The following HS6ST3 variants were observed in gnomAD, a reference collection of about 807,000 sequenced individuals.
The protein encoded by HS6ST3 is heparan-sulfate 6-O-sulfotransferase 3.
HS6ST3 carries 12 observed loss-of-function variants against 36.7 expected under a neutral mutation model. The ratio of observed to expected loss-of-function variants is 0.33; its 90% confidence interval spans 0.21 to 0.53. HS6ST3 has a LOEUF of 0.53. Ranked by LOEUF, HS6ST3 falls within the 20% of genes least tolerant of loss-of-function variation. The pLI is 0.95. For missense variants in HS6ST3, 584 were observed against 640.9 expected (o/e 0.91, Z 0.96); for synonymous variants, 240 against 257.5 (o/e 0.93, Z 0.65).
chr13:96,301,130 C>A (rs1317618362), intron 1 of HS6ST3, among the ~76,000 whole-genome samples: 2 of 152,154 alleles, frequency 1.3e-5, no homozygotes, highest in Non-Finnish European at 2.9e-5. Flanking sequence ...TGTGAACAAC[C>A]CACATTGCAT....
chr13:96,168,030 A>T (rs1300904966), intron 1 of HS6ST3, among the ~76,000 whole-genome samples: 1 of 152,186 alleles, frequency 6.6e-6, no homozygotes, highest in Non-Finnish European at 1.5e-5. Flanking sequence ...AATTGAACAA[A>T]TCGAAAGTTT....
intron 1 of HS6ST3, among the ~76,000 whole-genome samples, chr13:96,207,487 C>T (rs1022458485): frequency 1.4e-4 from 21 of 151,812 alleles, no homozygotes; most frequent in African/African-American, 5.1e-4. Flanking sequence ...GATATATACC[C>T]AAAGGAATAG....
chr13:96,213,235 AG>A (rs2054407402), intron 1 of HS6ST3, among the ~76,000 whole-genome samples: 1 of 152,172 alleles, frequency 6.6e-6, no homozygotes, highest in Admixed American at 6.5e-5. Flanking sequence ...GTTTTCATAG[AG>A]TTTCTATCAT....
chr13:96,274,046 G>C (rs1434955356), intron 1 of HS6ST3, among the ~76,000 whole-genome samples: 1 of 144,300 alleles, frequency 6.9e-6, no homozygotes, highest in African/African-American at 2.6e-5. Context: ...TTCTTTATTT[G>C]ATTCTTTCTT....
chr13:96,721,892 C>T (rs56124781), intron 1 of HS6ST3, among the ~76,000 whole-genome samples: 1,539 of 152,100 alleles, frequency 0.01, 30 homozygotes, highest in African/African-American at 0.035. Flanking sequence ...CAGGTTTTGA[C>T]AATCAATGAT....
At chr13:96,443,625 CA>C (rs2055684684) in intron 1 of HS6ST3, among the ~76,000 whole-genome samples, 1 of 151,374 alleles carries the variant, frequency 6.6e-6, no homozygotes, top group Non-Finnish European at 1.5e-5. Flanking sequence ...TTTAAAATGG[CA>C]TTATTATCTA....
intron 1 of HS6ST3, among the ~76,000 whole-genome samples, chr13:96,343,070 A>C (rs1289442662): frequency 1.3e-5 from 2 of 152,196 alleles, no homozygotes; most frequent in Non-Finnish European, 2.9e-5. Context: ...AGGGAATTGC[A>C]TACTAATAGG....
intron 1 of HS6ST3, among the ~76,000 whole-genome samples, chr13:96,225,814 A>C (rs2054477568): frequency 6.6e-6 from 1 of 152,194 alleles, no homozygotes; most frequent in South Asian, 2.1e-4. Flanking sequence ...AGATTTAAGA[A>C]AGAATCGAAA....
chr13:96,163,164 A>G (rs1272586843), intron 1 of HS6ST3, among the ~76,000 whole-genome samples: 1 of 151,270 alleles, frequency 6.6e-6, no homozygotes, highest in African/African-American at 2.4e-5. Context: ...GTGGGTATGT[A>G]AGTACAATAT....
intron 1 of HS6ST3, among the ~76,000 whole-genome samples, chr13:96,677,706 G>A (rs997730617): frequency 1.3e-5 from 2 of 152,020 alleles, no homozygotes; most frequent in African/African-American, 2.4e-5. Flanking sequence ...ATGTCGCTCT[G>A]CACTCAATTC....
chr13:96,105,696 G>T (rs2053838423), intron 1 of HS6ST3, among the ~76,000 whole-genome samples: 1 of 152,170 alleles, frequency 6.6e-6, no homozygotes, highest in East Asian at 1.9e-4. Flanking sequence ...AACATTGAAT[G>T]GTTAGCAAGA....
In HS6ST3 at chr13:96,740,278, G is replaced by A. The variant is rs568088016; in HGVS notation, c.708-92212G>A. On this transcript the variant is annotated intron_variant, in intron 1 of 1. Coordinates refer to ENST00000376705, the MANE Select transcript of HS6ST3 (RefSeq NM_153456.4). ...TGCTCAGTAAATACTTGTTGAAAAG[G>A]CTGTTGGTTCCTCATATGTGCATGG... 7.2e-5 allele frequency among the ~76,000 whole-genome samples: 11 copies of A among 152,226 alleles called. No individual in the cohort carries two copies. The South Asian group carries it at 2.3e-3, about 32-fold the overall frequency.
At chr13:96,472,476 T>G (rs932304203) in intron 1 of HS6ST3, among the ~76,000 whole-genome samples, 1 of 152,162 alleles carries the variant, frequency 6.6e-6, no homozygotes, top group Non-Finnish European at 1.5e-5. Context: ...CCTTTAAAAC[T>G]GAGGTCAAGA....
intron 1 of HS6ST3, among the ~76,000 whole-genome samples, chr13:96,109,303 C>T (rs1282615319): frequency 1.3e-5 from 2 of 152,144 alleles, no homozygotes; most frequent in Non-Finnish European, 2.9e-5. Context: ...AACTGTGACT[C>T]AGCAGATCGT....
At chr13:96,440,845 T>C (rs1456231855) in intron 1 of HS6ST3, among the ~76,000 whole-genome samples, 2 of 152,162 alleles carry the variant, frequency 1.3e-5, no homozygotes, top group Non-Finnish European at 2.9e-5. Context: ...AATTAATCCC[T>C]TTACCCCCTA....
At position 96,344,443 on chromosome 13, in the gene HS6ST3, G is replaced by A. The variant is rs147660354; in HGVS notation, c.707+252874G>A. ...AGACTTGCCCAAGGCCAGACAGTTT[G>A]TAGCTGATGGTCAAAACGCCAAACT... On this transcript the variant is annotated intron_variant, in intron 1 of 1. Transcript: ENST00000376705. Among the ~76,000 whole-genome samples, 427 of 152,324 alleles carry A rather than the reference G, an allele frequency of 2.8e-3. 4 individuals carry two copies. Among genetic ancestry groups the A allele is most frequent in the African/African-American group, 9.8e-3 (409 of 41,580 alleles).
intron 1 of HS6ST3, among the ~76,000 whole-genome samples, chr13:96,202,359 G>A (rs965784037): frequency 1.3e-5 from 2 of 152,098 alleles, no homozygotes; most frequent in Non-Finnish European, 2.9e-5. Context: ...TATCCCTTCT[G>A]CATTCCACTT....
chr13:96,832,941 G>T lies in HS6ST3; in HGVS notation c.1159G>T (p.Val387Leu). 1.9e-6 allele frequency: 3 copies of T among 1,614,158 alleles called. No individual in the cohort carries two copies. Among genetic ancestry groups the T allele is most frequent in the Non-Finnish European group, 2.5e-6 (3 of 1,180,020 alleles). Residue 387 changes from valine (V) to leucine (L), a missense_variant, in exon 2 of 2, where the codon GTG becomes TTG. Around this residue, in one of 3 missense-constraint regions of HS6ST3, gnomAD observed 360 missense variants for 411.3 expected, o/e 0.88. Coordinates refer to ENST00000376705, the MANE Select transcript of HS6ST3 (RefSeq NM_153456.4). Reference protein sequence around the residue: ...TQFNITRASNVEINEGARQRI... With the variant: ...TQFNITRASNLEINEGARQRI... ...GTTCAACATCACGCGGGCTTCTAAC[G>T]TGGAGATCAACGAGGGTGCCCGCCA...
intron 1 of HS6ST3, among the ~76,000 whole-genome samples, chr13:96,228,148 G>A (rs1462411100): frequency 1.3e-5 from 2 of 152,152 alleles, no homozygotes; most frequent in African/African-American, 4.8e-5. Context: ...CTGTTGTTAT[G>A]ATGTGAAACC....
Sources: allele counts gnomAD v4.1 joint callset (sites outside exome capture counted in the v4.1 genomes callset), GRCh38; gene constraint gnomAD v4.1.1; regional missense constraint gnomAD v4.1.1; transcripts MANE v1.5; gene names NCBI Gene and HGNC (gene_info 2026-07-23, HGNC 2026-07-21).